CTNND2: variants seen among roughly 807,000 people sequenced by gnomAD.
CTNND2 encodes the protein catenin delta-2.
In CTNND2, 22 loss-of-function variants were observed where a neutral mutation model predicts 144.4. The ratio of observed to expected loss-of-function variants is 0.15; its 90% CI spans 0.11 to 0.22. The LOEUF is 0.22. Among genes scored for constraint, CTNND2 ranks in the 10% least tolerant of loss-of-function variants. CTNND2 has a pLI of 1.00. For missense variants in CTNND2, 1,353 were observed against 1,618.8 expected (o/e 0.84, Z 2.82); for synonymous variants, 751 against 695.6 (o/e 1.08, Z -1.25).
chr5:11,024,106 A>G (rs761640350), intron 16 of CTNND2, among the ~76,000 whole-genome samples: 1 of 152,200 alleles, frequency 6.6e-6, no homozygotes, highest in Non-Finnish European at 1.5e-5. Context: ...CTGCTATTTA[A>G]TTCTCTGGTG....
intron 1 of CTNND2, among the ~76,000 whole-genome samples, chr5:11,845,312 T>C (rs1426662317): frequency 6.6e-6 from 1 of 152,154 alleles, no homozygotes; most frequent in Non-Finnish European, 1.5e-5. Context: ...AAAAAGTAAA[T>C]CTCATCTACT....
intron 18 of CTNND2, among the ~76,000 whole-genome samples, chr5:10,993,353 T>C (rs768266929): frequency 7.2e-5 from 11 of 152,218 alleles, no homozygotes; most frequent in Non-Finnish European, 1.3e-4. Flanking sequence ...GATTATTTTG[T>C]GAATTTACAA....
In CTNND2 at chr5:11,384,329, C is replaced by T. The variant is rs1487141358; in HGVS notation, c.1177+336G>A. Among the ~76,000 whole-genome samples, 1 of 152,100 alleles carries T rather than the reference C, an allele frequency of 6.6e-6. No homozygotes were observed. Among genetic ancestry groups the T allele is most frequent in the South Asian group, 2.1e-4 (1 of 4,832 alleles). ...ACTTGTTTTGCTTTTTTTCTGGATA[C>T]CATCAACAGGTCTATGGGATGCTTT... On this transcript the variant is annotated intron_variant, in intron 7 of 21. Coordinates refer to ENST00000304623, the MANE Select transcript of CTNND2 (RefSeq NM_001332.4). The surrounding 1 kb of genome is among the most constrained non-coding windows in gnomAD (Gnocchi z 5.2).
intron 1 of CTNND2, among the ~76,000 whole-genome samples, chr5:11,750,785 A>T (rs1788569509): frequency 6.6e-6 from 1 of 151,822 alleles, no homozygotes; most frequent in South Asian, 2.1e-4. Context: ...TCTAGACTAG[A>T]CTAGACATTA....
intron 16 of CTNND2, among the ~76,000 whole-genome samples, chr5:11,062,811 G>A (rs530933927): frequency 4.6e-5 from 7 of 152,296 alleles, no homozygotes; most frequent in African/African-American, 1.2e-4. Context: ...CCTGAAAAAC[G>A]TGCTTGCATG....
intron 3 of CTNND2, among the ~76,000 whole-genome samples, chr5:11,436,272 C>T (rs996517820): frequency 6.6e-6 from 1 of 151,990 alleles, no homozygotes; most frequent in African/African-American, 2.4e-5. Flanking sequence ...AATTTTATAC[C>T]TGAAGAGAGA....
At position 11,236,767 on chromosome 5, in the gene CTNND2, T is replaced by C; in HGVS notation, c.1685A>G (p.Gln562Arg). ...LPEVIQMLQH[Q>R]FPSVQSNAAA... ...CGCGTTAGACTGGACCGAGGGAAAC[T>C]GGTGCTGCAACATCTGAATCACTTC... The change falls in exon 10 of 22, where the codon CAG (glutamine) becomes CGG (arginine). Residue 562 changes from glutamine to arginine, a missense_variant. Gln to Arg is a conservative substitution (Grantham distance 43, BLOSUM62 1). This residue lies in a region of CTNND2 where 69 missense variants were observed against 120.3 expected (regional missense o/e 0.57). Transcript: ENST00000304623. 6.2e-7 allele frequency: 1 copy of C among 1,614,182 alleles called. No individual in the cohort carries two copies. The highest frequency in any genetic ancestry group is 8.5e-7 in the Non-Finnish European group (1 of 1,180,034).
At chr5:11,822,475 T>C (rs1793365568) in intron 1 of CTNND2, among the ~76,000 whole-genome samples, 1 of 152,160 alleles carries the variant, frequency 6.6e-6, no homozygotes, top group Non-Finnish European at 1.5e-5. Context: ...GAGTACTTTA[T>C]TGTGGTAGGC....
At chr5:11,173,628 G>T (rs1053231830) in intron 11 of CTNND2, among the ~76,000 whole-genome samples, 1 of 152,134 alleles carries the variant, frequency 6.6e-6, no homozygotes, top group Admixed American at 6.5e-5. Context: ...TTGGGTTTTT[G>T]TGTTTGTTTT....
intron 16 of CTNND2, among the ~76,000 whole-genome samples, chr5:11,034,788 A>AT (rs1300936447): frequency 2.6e-4 from 40 of 151,462 alleles, no homozygotes; most frequent in African/African-American, 9.4e-4. Context: ...GATCTTTGTC[A>AT]TTTTTTATTG....
chr5:11,129,004 A>T (rs1318091424), intron 12 of CTNND2, among the ~76,000 whole-genome samples: 2 of 43,678 alleles, frequency 4.6e-5, no homozygotes, highest in Non-Finnish European at 8.7e-5. Context: ...ATAATATATA[A>T]ATATATATTA....
intron 13 of CTNND2, among the ~76,000 whole-genome samples, chr5:11,116,956 G>C (rs185206157): frequency 6.6e-6 from 1 of 152,184 alleles, no homozygotes; most frequent in East Asian, 1.9e-4. Flanking sequence ...CTACTCAGGA[G>C]GCTGAAGCAG....
intron 19 of CTNND2, among the ~76,000 whole-genome samples, chr5:10,989,125 C>T (rs2149495508): frequency 6.6e-6 from 1 of 152,334 alleles, no homozygotes; most frequent in Middle Eastern, 3.4e-3. Context: ...GTTGAATTTT[C>T]ATGAGTGACT....
intron 1 of CTNND2, among the ~76,000 whole-genome samples, chr5:11,864,896 T>G (rs1328856171): frequency 7.2e-6 from 1 of 138,348 alleles, no homozygotes; most frequent in East Asian, 2.1e-4. Flanking sequence ...TTTTTTTTTT[T>G]TTTTTTTTTT....
intron 11 of CTNND2, among the ~76,000 whole-genome samples, chr5:11,169,587 T>C (rs1181908929): frequency 3.9e-5 from 6 of 152,222 alleles, no homozygotes; most frequent in Non-Finnish European, 8.8e-5. Context: ...GCAAGGCCCC[T>C]AGCTGCCATT....
At chr5:11,425,790 G>A (rs1762725924) in intron 3 of CTNND2, among the ~76,000 whole-genome samples, 1 of 152,102 alleles carries the variant, frequency 6.6e-6, no homozygotes, top group Non-Finnish European at 1.5e-5. Flanking sequence ...GTGCCTGGGT[G>A]GTATGAATAA....
intron 3 of CTNND2, among the ~76,000 whole-genome samples, chr5:11,563,292 G>A (rs950446265): frequency 2.0e-5 from 3 of 152,190 alleles, no homozygotes; most frequent in Non-Finnish European, 2.9e-5. Flanking sequence ...AGTGAAACAA[G>A]AGGCTTCAAA....
At chr5:11,680,825 G>A (rs1784392464) in intron 2 of CTNND2, among the ~76,000 whole-genome samples, 1 of 152,132 alleles carries the variant, frequency 6.6e-6, no homozygotes, top group Non-Finnish European at 1.5e-5. Flanking sequence ...ACCAGCCATG[G>A]GAGCAAGGAA....
chr5:11,191,621 C>T (rs553396149), intron 11 of CTNND2, among the ~76,000 whole-genome samples: 2 of 152,288 alleles, frequency 1.3e-5, no homozygotes, highest in South Asian at 4.2e-4. Flanking sequence ...GCTCTGAGGG[C>T]TGCGGGCAGA....
Sources: allele counts gnomAD v4.1 joint callset (sites outside exome capture counted in the v4.1 genomes callset), GRCh38; gene constraint gnomAD v4.1.1; regional missense constraint gnomAD v4.1.1; non-coding constraint Gnocchi (gnomAD v3.1); transcripts MANE v1.5; gene names NCBI Gene and HGNC (gene_info 2026-07-23, HGNC 2026-07-21).